WDR17: variants seen among roughly 807,000 people sequenced by gnomAD.
WDR17 encodes WD repeat domain 17, also known as WD repeat-containing protein 17.
WDR17 carries 143 observed loss-of-function variants against 161.7 expected under a neutral mutation model. The observed-to-expected ratio is 0.88, with a 90% CI of 0.77 to 1.02. The LOEUF (loss-of-function observed/expected upper bound fraction) is 1.02. Ranked by LOEUF, WDR17 falls within the 50% of genes least tolerant of loss-of-function variation. WDR17 has a pLI of 0.00. For missense variants in WDR17, 1,469 were observed against 1,520.9 expected, an observed-to-expected ratio of 0.97 and a Z score of 0.57; for synonymous variants, 517 against 515.6, an observed-to-expected ratio of 1.00 and a Z score of -0.04.
chr4:176,164,373 C>G (rs547178041), intron 22 of WDR17, among the ~76,000 whole-genome samples: 44 of 152,102 alleles, frequency 2.9e-4, no homozygotes, highest in Non-Finnish European at 5.7e-4. Flanking sequence ...CAGGTGTTGA[C>G]CTGACAATCA....
At chr4:176,107,834 T>TTTCC (rs973266914) in intron 1 of WDR17, among the ~76,000 whole-genome samples, 6 of 151,768 alleles carry the variant, frequency 4.0e-5, no homozygotes, top group East Asian at 3.9e-4. Context: ...CCTTCCTTCC[T>TTTCC]TTCCTTCCTT....
intron 1 of WDR17, among the ~76,000 whole-genome samples, chr4:176,091,529 A>G (rs1315497709): frequency 1.3e-5 from 2 of 152,190 alleles, no homozygotes; most frequent in Admixed American, 6.5e-5. Flanking sequence ...ATAAATGCCT[A>G]CATCAAAAAA....
chr4:176,110,721 A>G (rs1364133761), intron 1 of WDR17, among the ~76,000 whole-genome samples: 1 of 152,194 alleles, frequency 6.6e-6, no homozygotes, highest in Non-Finnish European at 1.5e-5. Flanking sequence ...TCTGAGAGGA[A>G]TCTGGTAGAA....
chr4:176,116,160 A>G (rs1740590178), intron 3 of WDR17, among the ~76,000 whole-genome samples, 181 bp downstream of exon 3: 1 of 151,942 alleles, frequency 6.6e-6, no homozygotes, highest in Non-Finnish European at 1.5e-5. Flanking sequence ...ACAAAATTTC[A>G]TGAAATAATT....
At position 176,128,766 on chromosome 4, in the gene WDR17, G is replaced by T. The variant is rs1742868887; in HGVS notation, c.819G>T (p.Trp273Cys). The change falls in exon 6 of 29, where the codon TGG (tryptophan) becomes TGT (cysteine). Residue 273 changes from tryptophan to cysteine, a missense_variant. Coordinates refer to ENST00000508596, the MANE Select transcript of WDR17 (RefSeq NM_181265.4). The part of the protein sequence containing the change: ...GDSQVGVLRI[W>C]NVSRTTPIDN... ...CTCAAGTGGGTGTTTTACGCATTTG[G>T]AATGTTTCAAGAACAACACCTATTG... 1.2e-6 allele frequency: 2 copies of T among 1,603,042 alleles called. No individual in the cohort carries two copies. The highest frequency in any genetic ancestry group is 2.3e-5 in the East Asian group (1 of 43,932).
At chr4:176,101,692 G>A (rs1737854664) in intron 1 of WDR17, among the ~76,000 whole-genome samples, 1 of 152,188 alleles carries the variant, frequency 6.6e-6, no homozygotes, top group South Asian at 2.1e-4. Flanking sequence ...TAGATCAATG[G>A]AACAGAATAG....
intron 1 of WDR17, among the ~76,000 whole-genome samples, chr4:176,075,325 A>G (rs1733822982): frequency 6.6e-6 from 1 of 152,060 alleles, no homozygotes; most frequent in African/African-American, 2.4e-5. Context: ...AATTGTTTCT[A>G]CTGATTACCT....
At chr4:176,157,305 T>C (rs985805624) in intron 18 of WDR17, among the ~76,000 whole-genome samples, 2 of 152,244 alleles carry the variant, frequency 1.3e-5, no homozygotes, top group African/African-American at 4.8e-5. Flanking sequence ...TTTTCTTTTA[T>C]GCAACAAGGT....
At chr4:176,100,977 T>C (rs957240663) in intron 1 of WDR17, among the ~76,000 whole-genome samples, 1 of 152,184 alleles carries the variant, frequency 6.6e-6, no homozygotes. Context: ...CATGCTATTT[T>C]GGTTACCATA....
intron 18 of WDR17, among the ~76,000 whole-genome samples, chr4:176,158,421 A>G (rs1393575489): frequency 6.6e-6 from 1 of 152,246 alleles, no homozygotes; most frequent in East Asian, 1.9e-4. Context: ...AAAACTGGAT[A>G]GAAGCTGTTG....
intron 1 of WDR17, among the ~76,000 whole-genome samples, chr4:176,080,341 G>A (rs1295707228): frequency 6.6e-6 from 1 of 151,466 alleles, no homozygotes; most frequent in Non-Finnish European, 1.5e-5. Flanking sequence ...AAACTGGATG[G>A]GATCACCGAG....
At chr4:176,144,012 A>G (rs769952263) in intron 11 of WDR17, among the ~76,000 whole-genome samples, 2 of 152,156 alleles carry the variant, frequency 1.3e-5, no homozygotes, top group Admixed American at 6.5e-5. Flanking sequence ...TCTCATTCCC[A>G]GGCTTGCTTT....
chr4:176,148,799 C>G (rs1322237472), intron 13 of WDR17, among the ~76,000 whole-genome samples: 3 of 152,068 alleles, frequency 2.0e-5, no homozygotes, highest in Admixed American at 2.0e-4. Context: ...TTAATATAAT[C>G]CCGTTTTTTT....
At chr4:176,087,429 A>G (rs1265858529) in intron 1 of WDR17, among the ~76,000 whole-genome samples, 1 of 151,964 alleles carries the variant, frequency 6.6e-6, no homozygotes, top group Non-Finnish European at 1.5e-5. Context: ...AAGATTTAAT[A>G]TTTTCTTTTT....
In WDR17 at chr4:176,135,163, T is replaced by C. The variant is rs777281394; in HGVS notation, c.1154T>C (p.Leu385Ser). The change falls in exon 8 of 29, where the codon TTA (leucine) becomes TCA (serine). Residue 385 changes from leucine to serine, a missense_variant. Physicochemically the swap from Leu to Ser is moderately radical, Grantham distance 145 (BLOSUM62 -2). Coordinates refer to ENST00000508596, the MANE Select transcript of WDR17 (RefSeq NM_181265.4). The stretch of plus-strand genomic sequence containing the variant: ...TTCAAACCTGACGATCCTAATCTTT[T>C]AGCAACAGCTTCATTTGATGGCACT... The part of the protein sequence containing the change: ...CKFKPDDPNL[L>S]ATASFDGTIK... The C allele has an allele frequency of 1.1e-5, 17 of 1,612,368 alleles. No homozygotes were observed. The highest frequency in any genetic ancestry group is 1.1e-5 in the Non-Finnish European group (13 of 1,178,680).
rs754123430 is a variant in WDR17, at chr4:176,168,798, T to C, written c.3102+15T>C. The C allele has an allele frequency of 3.1e-6, 5 of 1,603,462 alleles. No homozygotes were observed. The highest frequency in any genetic ancestry group is 4.3e-6 in the Non-Finnish European group (5 of 1,175,980). The stretch of plus-strand genomic sequence containing the variant: ...TTCATGATAAGGTATGCTGATGATG[T>C]TAAATATTCTGGTTTGGAATGCAGT... On this transcript the variant is annotated intron_variant, in intron 23 of 28. Transcript: ENST00000508596.
intron 1 of WDR17, among the ~76,000 whole-genome samples, chr4:176,071,057 G>C (rs1465604477): frequency 1.3e-5 from 2 of 151,266 alleles, no homozygotes; most frequent in Non-Finnish European, 2.9e-5. Context: ...CACAAACCAG[G>C]TTAATTAGAA....
At chr4:176,090,488 C>A (rs563979887) in intron 1 of WDR17, among the ~76,000 whole-genome samples, 1 of 152,248 alleles carries the variant, frequency 6.6e-6, no homozygotes, top group Admixed American at 6.5e-5. Flanking sequence ...GCAAGACAAA[C>A]AGATGAAGAC....
At chr4:176,136,129 C>A (rs1744360847) in intron 8 of WDR17, among the ~76,000 whole-genome samples, 1 of 151,576 alleles carries the variant, frequency 6.6e-6, no homozygotes, top group East Asian at 1.9e-4. Context: ...CTCAGATTTT[C>A]AGAGTTTCAT....
Sources: allele counts gnomAD v4.1 joint callset (sites outside exome capture counted in the v4.1 genomes callset), GRCh38; gene constraint gnomAD v4.1.1; transcripts MANE v1.5; gene names NCBI Gene and HGNC (gene_info 2026-07-23, HGNC 2026-07-21).